DMD: variants seen among roughly 807,000 people sequenced by gnomAD.
The protein encoded by DMD is dystrophin.
In DMD, 63 loss-of-function variants were observed where a neutral mutation model predicts 330.1. The ratio of observed to expected loss-of-function variants is 0.19; its 90% CI spans 0.16 to 0.24. DMD has a LOEUF of 0.24. Among genes scored for constraint, DMD ranks in the 10% least tolerant of loss-of-function variants. The pLI is 1.00. For synonymous variants in DMD, 1,223 were observed against 959.8 expected, an observed-to-expected ratio of 1.27 and a Z score of -5.07; for missense variants, 3,344 against 2,684.1, an observed-to-expected ratio of 1.25 and a Z score of -5.43.
chrX:32,555,136 G>T (rs932231891), intron 16 of DMD, among the ~76,000 whole-genome samples: 39 of 110,725 alleles, frequency 3.5e-4, no homozygotes, highest in Non-Finnish European at 6.1e-4. Flanking sequence ...AGCATGCAAG[G>T]TTAGTTTAAC....
chrX:31,644,065 T>G (rs2079938424), intron 54 of DMD, among the ~76,000 whole-genome samples: 1 of 111,689 alleles, frequency 9.0e-6, no homozygotes, highest in Non-Finnish European at 1.9e-5. Context: ...CTTTCAAAGT[T>G]AGAATAATAA....
chrX:32,468,580 C>T lies in DMD; in HGVS notation c.3080G>A (p.Gly1027Glu), dbSNP rs370171367. 2.5e-6 allele frequency: 3 copies of T among 1,208,962 alleles called. No homozygotes were observed. Among genetic ancestry groups the T allele is most frequent in the Non-Finnish European group, 3.4e-6 (3 of 894,803 alleles). ...CTGGGAGGAGAGCTTCTTCCAGCGT[C>T]CCTCAATTTCTTCAAATTCTGATTG... ...KYQSEFEEIE[G>E]RWKKLSSQLV... is the part of the protein sequence containing the mutation. The change falls in exon 23 of 79, where the codon GGA becomes GAA. Residue 1027 changes from glycine to glutamate, a missense_variant. Gly to Glu is a moderately conservative substitution (Grantham distance 98). Coordinates refer to ENST00000357033, the MANE Select transcript of DMD (RefSeq NM_004006.3).
chrX:32,853,891 T>A (rs1234468211), intron 2 of DMD, among the ~76,000 whole-genome samples: 2 of 110,063 alleles, frequency 1.8e-5, no homozygotes, highest in African/African-American at 6.6e-5. Flanking sequence ...TAAAAAGATA[T>A]TCCATGTCGA....
intron 2 of DMD, among the ~76,000 whole-genome samples, chrX:32,932,762 C>G (rs1437894634): frequency 9.0e-6 from 1 of 111,664 alleles, no homozygotes; most frequent in Non-Finnish European, 1.9e-5. Flanking sequence ...CAGGGTGTAT[C>G]TGACTACCAG....
At chrX:31,183,743 G>A (rs1242355286) in intron 67 of DMD, among the ~76,000 whole-genome samples, 2 of 108,548 alleles carry the variant, frequency 1.8e-5, no homozygotes, top group South Asian at 4.0e-4. Flanking sequence ...GCTCTTCATT[G>A]CTTTCTTTCA....
intron 1 of DMD, among the ~76,000 whole-genome samples, chrX:33,025,064 T>G (rs2093971934): frequency 1.8e-5 from 2 of 112,165 alleles, no homozygotes; most frequent in East Asian, 2.8e-4. Flanking sequence ...TAGATAAATA[T>G]GAAACATTTT....
chrX:32,264,392 A>C (rs751452202), intron 43 of DMD, among the ~76,000 whole-genome samples: 1 of 111,970 alleles, frequency 8.9e-6, no homozygotes, highest in African/African-American at 3.2e-5. Context: ...GAACAGACTA[A>C]TACAGTAAAT....
In DMD at chrX:32,644,148, T is replaced by C. The variant is rs1569373322; in HGVS notation, c.1315A>G (p.Met439Val). Reference sequence around the variant, plus strand: ...AGGACTTACTTGCTTTGTTTTTCCATGCTAGCTACCCTGAGGCATTCCCAT... The same window carrying C: ...AGGACTTACTTGCTTTGTTTTTCCACGCTAGCTACCCTGAGGCATTCCCAT... ...SRWECLRVAS[M>V]EKQSNLHRVL... The change falls in exon 11 of 79, where the codon ATG becomes GTG. Residue 439 changes from methionine (M) to valine (V), a missense_variant. Met to Val is a conservative substitution (Grantham distance 21). Coordinates refer to ENST00000357033, the MANE Select transcript of DMD (RefSeq NM_004006.3). The C allele has an allele frequency of 8.3e-7, 1 of 1,208,604 alleles. No homozygotes were observed.
chrX:31,473,960 G>T (rs1315813494), intron 59 of DMD, among the ~76,000 whole-genome samples: 4 of 111,731 alleles, frequency 3.6e-5, no homozygotes, highest in African/African-American at 1.3e-4. Flanking sequence ...TCAGTAAAGT[G>T]AAAAGTCATG....
chrX:32,055,693 T>C (rs776193048), intron 44 of DMD, among the ~76,000 whole-genome samples: 8 of 111,856 alleles, frequency 7.2e-5, no homozygotes, highest in Non-Finnish European at 1.1e-4. Context: ...TGTAAAATAG[T>C]AGACGTGATG....
intron 43 of DMD, among the ~76,000 whole-genome samples, chrX:32,284,103 C>G (rs1204589591): frequency 9.0e-6 from 1 of 111,665 alleles, no homozygotes; most frequent in Non-Finnish European, 1.9e-5. Context: ...CCTGCTCTTC[C>G]TTTATAGTTT....
intron 1 of DMD, among the ~76,000 whole-genome samples, chrX:33,137,631 C>A (rs2095535117): frequency 8.9e-6 from 1 of 111,739 alleles, no homozygotes; most frequent in Non-Finnish European, 1.9e-5. Context: ...TTTCAGCACA[C>A]TAAAAAATTG....
At chrX:32,188,981 C>T (rs1174392702) in intron 44 of DMD, among the ~76,000 whole-genome samples, 1 of 110,801 alleles carries the variant, frequency 9.0e-6, no homozygotes, top group African/African-American at 3.3e-5. Flanking sequence ...ATAGGGTCTA[C>T]AATTTTTATT....
At chrX:31,816,221 C>CT (rs1216379429) in intron 50 of DMD, among the ~76,000 whole-genome samples, 11 of 109,785 alleles carry the variant, frequency 1.0e-4, no homozygotes, top group South Asian at 3.9e-4. Context: ...GCAAGTTTTG[C>CT]TTTTTTTTTC....
intron 1 of DMD, among the ~76,000 whole-genome samples, chrX:33,230,432 C>A (rs767536783): frequency 1.8e-5 from 2 of 110,405 alleles, no homozygotes; most frequent in Admixed American, 1.9e-4. Context: ...ATCTTAAAAC[C>A]CTAAAGGCAT....
chrX:32,395,912 C>A (rs1026363971), intron 30 of DMD, among the ~76,000 whole-genome samples: 1 of 111,176 alleles, frequency 9.0e-6, no homozygotes, highest in African/African-American at 3.3e-5. Flanking sequence ...GCAAGAGACC[C>A]TTCTATAAAC....
intron 7 of DMD, among the ~76,000 whole-genome samples, chrX:32,725,774 G>C (rs980299875): frequency 9.0e-6 from 1 of 110,877 alleles, no homozygotes; most frequent in Non-Finnish European, 1.9e-5. Flanking sequence ...GTATTTGCGA[G>C]CACAGCAAGG....
intron 44 of DMD, among the ~76,000 whole-genome samples, chrX:32,205,192 A>G (rs2097062299): frequency 1.0e-5 from 1 of 97,318 alleles, no homozygotes; most frequent in Non-Finnish European, 2.1e-5. Context: ...GACAATGAAC[A>G]CTAGCATACT....
intron 44 of DMD, among the ~76,000 whole-genome samples, chrX:32,033,656 GAAA>G (rs1261875421): frequency 7.9e-5 from 4 of 50,865 alleles, no homozygotes; most frequent in African/African-American, 4.5e-4. Flanking sequence ...AAAGAAAGAA[GAAA>G]GAAAGAAAGA....
Sources: allele counts gnomAD v4.1 joint callset (sites outside exome capture counted in the v4.1 genomes callset), GRCh38; gene constraint gnomAD v4.1.1; transcripts MANE v1.5; gene names NCBI Gene and HGNC (gene_info 2026-07-23, HGNC 2026-07-21).